Variants in ANKRD44 observed in about 807,000 individuals in gnomAD.
ANKRD44 encodes ankyrin repeat domain 44, also known as serine/threonine-protein phosphatase 6 regulatory ankyrin repeat subunit B.
A neutral mutation model predicts 116.0 loss-of-function variants in ANKRD44; 35 were observed. The observed-to-expected ratio is 0.30, with a 90% CI of 0.23 to 0.40. ANKRD44 has a LOEUF of 0.40. Ranked by LOEUF, ANKRD44 falls within the 10% of genes least tolerant of loss-of-function variation. ANKRD44 has a pLI of 1.00. For synonymous variants in ANKRD44, 435 were observed against 461.8 expected (o/e 0.94, Z 0.74); for missense variants, 1,014 against 1,242.6 (o/e 0.82, Z 2.77).
intron 1 of ANKRD44, among the ~76,000 whole-genome samples, chr2:197,305,963 C>T (rs951347351): frequency 7.3e-5 from 6 of 82,642 alleles, no homozygotes; most frequent in East Asian, 4.3e-4. Context: ...GACCGCAGTT[C>T]GTTTTATATA....
chr2:197,236,440 G>A (rs1399086829), intron 1 of ANKRD44, among the ~76,000 whole-genome samples: 1 of 152,108 alleles, frequency 6.6e-6, no homozygotes, highest in Non-Finnish European at 1.5e-5. Flanking sequence ...AAAAGGAGCA[G>A]CAGGAGAACA....
At chr2:197,215,021 G>T (rs888516103) in intron 1 of ANKRD44, among the ~76,000 whole-genome samples, 1 of 152,036 alleles carries the variant, frequency 6.6e-6, no homozygotes, top group African/African-American at 2.4e-5. Context: ...GGGATTATAC[G>T]CACACCACCA....
chr2:197,282,843 G>A (rs536329655), intron 1 of ANKRD44, among the ~76,000 whole-genome samples: 5 of 152,128 alleles, frequency 3.3e-5, no homozygotes, highest in East Asian at 1.9e-4. Context: ...CTGTAATCCC[G>A]GGTACTCAGG....
At chr2:196,982,016 T>G (rs756182723), downstream of ANKRD44, among the ~76,000 whole-genome samples, 2 of 150,082 alleles carry the variant, frequency 1.3e-5, no homozygotes, top group Non-Finnish European at 3.0e-5. Flanking sequence ...CTCCCCTTCC[T>G]AACCTCTAAA....
intron 1 of ANKRD44, among the ~76,000 whole-genome samples, chr2:197,252,598 G>A (rs928342567): frequency 2.6e-5 from 4 of 152,014 alleles, no homozygotes; most frequent in Non-Finnish European, 5.9e-5. Flanking sequence ...AGTAGAGACG[G>A]GGTTTCACCG....
intron 1 of ANKRD44, among the ~76,000 whole-genome samples, chr2:197,300,803 G>A (rs552598607): frequency 7.8e-5 from 10 of 127,800 alleles, no homozygotes; most frequent in Admixed American, 3.9e-4. Flanking sequence ...CACTCTTGTC[G>A]CCCAGGCTGG....
At chr2:197,214,470 C>T (rs1265781048) in intron 1 of ANKRD44, among the ~76,000 whole-genome samples, 1 of 152,034 alleles carries the variant, frequency 6.6e-6, no homozygotes, top group Non-Finnish European at 1.5e-5. Context: ...GATAGCAAGT[C>T]TATATTTTAA....
At chr2:197,277,431 G>T (rs1421217439) in intron 1 of ANKRD44, among the ~76,000 whole-genome samples, 2 of 152,066 alleles carry the variant, frequency 1.3e-5, no homozygotes, top group Non-Finnish European at 2.9e-5. Context: ...GAGGTGTCTT[G>T]CAAAGGGTGC....
chr2:197,001,726 TCATTAACTCTCAGCGTTTCTACTTA>T lies in ANKRD44; in HGVS notation c.2435+2_2435+26del. ...TGTAGTTAAAATCATTAAAGCAACA[TCATTAACTCTCAGCGTTTCTACTTA>T]CATTGCACAGTGCAGTGGAGTAAAG... On this transcript the variant is annotated splice_donor_variant and splice_donor_5th_base_variant and intron_variant, in intron 22 of 27. Transcript: ENST00000282272. LOFTEE classifies it high-confidence loss of function. The T allele has an allele frequency of 6.6e-7, 1 of 1,525,924 alleles. No individual in the cohort carries two copies. Among genetic ancestry groups the T allele is most frequent in the Non-Finnish European group, 9.0e-7 (1 of 1,111,768 alleles). 94.5% of individuals were successfully genotyped at this position (1,525,924 alleles called of 1,614,324 possible).
rs773511230 is a variant in ANKRD44 at position 197,048,241 on chromosome 2, C to A, written c.1651-22974G>T. 4.1e-4 allele frequency among the ~76,000 whole-genome samples: 62 copies of A among 152,024 alleles called. 1 individual carries two copies. The highest frequency in any genetic ancestry group is 7.8e-4 in the Non-Finnish European group (53 of 68,010). On this transcript the variant is annotated intron_variant, in intron 16 of 27. Transcript: ENST00000282272. ...TTCTAGGGTACATGTGCACCACGTG[C>A]AGGTTTGATACATAGCTATACATAT...
chr2:197,012,961 C>A (rs2076325809), intron 18 of ANKRD44, among the ~76,000 whole-genome samples: 1 of 152,018 alleles, frequency 6.6e-6, no homozygotes, highest in Non-Finnish European at 1.5e-5. Flanking sequence ...AAGAAAAATC[C>A]CAGAAAAGGC....
chr2:197,055,035 C>T (rs1192144385), intron 16 of ANKRD44, among the ~76,000 whole-genome samples: 1 of 152,136 alleles, frequency 6.6e-6, no homozygotes, highest in Non-Finnish European at 1.5e-5. Flanking sequence ...CTTTGCTCTC[C>T]CTGAGCTGAG....
intron 1 of ANKRD44, among the ~76,000 whole-genome samples, chr2:197,238,134 C>T (rs549027261): frequency 2.8e-4 from 42 of 152,342 alleles, no homozygotes; most frequent in African/African-American, 9.4e-4. Context: ...TTTGTACAGT[C>T]ATTATATAAC....
At chr2:197,137,148 C>A (rs1251600961) in intron 3 of ANKRD44, among the ~76,000 whole-genome samples, 5 of 152,180 alleles carry the variant, frequency 3.3e-5, no homozygotes, top group African/African-American at 1.2e-4. Flanking sequence ...CCCACCAAGT[C>A]CATGTCTGAA....
intron 21 of ANKRD44, among the ~76,000 whole-genome samples, chr2:196,970,644 G>C (rs2075708820): frequency 6.6e-6 from 1 of 150,994 alleles, no homozygotes; most frequent in African/African-American, 2.4e-5. Context: ...AATCTTTATT[G>C]CAAAAACAAC....
At chr2:197,001,988 A>G (rs2125900508) in intron 21 of ANKRD44, 148 bp from the exon 22 acceptor site, 1 of 613,282 alleles carries the variant, frequency 1.6e-6, no homozygotes, top group African/African-American at 1.8e-5. Flanking sequence ...TATTAACAAA[A>G]TGCCAAAATG....
intron 13 of ANKRD44, 110 bp downstream of exon 13, chr2:197,086,570 C>G (rs145471583): frequency 0.021 from 19,731 of 959,312 alleles, 317 homozygotes; most frequent in Non-Finnish European, 0.022. Flanking sequence ...AGGATGGAAT[C>G]CCCCCAGCTA....
At chr2:197,282,425 T>C (rs1295143067) in intron 1 of ANKRD44, among the ~76,000 whole-genome samples, 5 of 151,756 alleles carry the variant, frequency 3.3e-5, no homozygotes, top group Non-Finnish European at 7.4e-5. Flanking sequence ...AGGCGGTGTG[T>C]GTTTAAGTGT....
intron 1 of ANKRD44, among the ~76,000 whole-genome samples, chr2:197,238,012 A>G (rs1332615336): frequency 6.6e-6 from 1 of 152,152 alleles, no homozygotes; most frequent in Admixed American, 6.5e-5. Context: ...TCACATCTCA[A>G]TTCAAAAGCT....
Sources: allele counts gnomAD v4.1 joint callset (sites outside exome capture counted in the v4.1 genomes callset), GRCh38; gene constraint gnomAD v4.1.1; transcripts MANE v1.5; gene names NCBI Gene and HGNC (gene_info 2026-07-23, HGNC 2026-07-21).